The following MYH15 variants were observed in gnomAD, a reference collection of about 807,000 sequenced individuals.
The protein encoded by MYH15 is myosin-15.
A neutral mutation model predicts 240.5 loss-of-function variants in MYH15; 227 were observed. The observed-to-expected ratio is 0.94, with a 90% CI of 0.85 to 1.05. The LOEUF is 1.05. Ranked by LOEUF, MYH15 falls within the 50% of genes least tolerant of loss-of-function variation. The probability of loss-of-function intolerance (pLI) is 0.00; values close to 1 mark genes in which losing one functional copy is unlikely to be tolerated. For missense variants in MYH15, 2,217 were observed against 2,247.5 expected (o/e 0.99, Z 0.27); for synonymous variants, 785 against 796.7 (o/e 0.99, Z 0.25).
intron 12 of MYH15, among the ~76,000 whole-genome samples, chr3:108,475,311 T>C (rs144091964): frequency 5.3e-5 from 8 of 152,270 alleles, no homozygotes; most frequent in Admixed American, 5.2e-4. Flanking sequence ...ACATAAATTA[T>C]GCATTTCTGC....
intron 4 of MYH15, among the ~76,000 whole-genome samples, chr3:108,499,721 A>T (rs1297443403): frequency 6.6e-6 from 1 of 152,184 alleles, no homozygotes; most frequent in Non-Finnish European, 1.5e-5. Context: ...GCTACATATA[A>T]ATGGTAACCA....
At chr3:108,427,272 G>A (rs1217424385) in intron 27 of MYH15, among the ~76,000 whole-genome samples, 1 of 152,230 alleles carries the variant, frequency 6.6e-6, no homozygotes, top group Non-Finnish European at 1.5e-5. Context: ...GACTGAATAT[G>A]TCCCCCTAAA....
chr3:108,530,660 T>C (rs2083705372), upstream of MYH15, among the ~76,000 whole-genome samples: 1 of 152,214 alleles, frequency 6.6e-6, no homozygotes, highest in African/African-American at 2.4e-5. Context: ...GGTGAGGCTA[T>C]GCATGTGTAG....
intron 23 of MYH15, among the ~76,000 whole-genome samples, chr3:108,440,165 CATTA>C (rs1332825924): frequency 6.6e-6 from 1 of 152,092 alleles, no homozygotes; most frequent in Non-Finnish European, 1.5e-5. Context: ...AAATAATTAA[CATTA>C]TTTATAATTA....
the MYH15 span, among the ~76,000 whole-genome samples, chr3:108,539,022 C>T: frequency 3.3e-5 from 5 of 152,140 alleles, no homozygotes; most frequent in African/African-American, 9.7e-5. Context: ...TAACACTAAT[C>T]CATTCATGAA....
At chr3:108,523,247 T>C (rs112058911) in intron 1 of MYH15, among the ~76,000 whole-genome samples, 6,428 of 152,082 alleles carry the variant, frequency 0.042, 498 homozygotes, top group African/African-American at 0.15. Flanking sequence ...TAAAAATTAT[T>C]TTGCAACTCT....
At chr3:108,467,896 G>A (rs1056511749) in intron 14 of MYH15, among the ~76,000 whole-genome samples, 1 of 151,834 alleles carries the variant, frequency 6.6e-6, no homozygotes, top group Non-Finnish European at 1.5e-5. Flanking sequence ...AGGAGGTCAC[G>A]GTAAACTTGA....
chr3:108,424,226 G>A (rs1448246490), intron 27 of MYH15, among the ~76,000 whole-genome samples: 2 of 152,240 alleles, frequency 1.3e-5, no homozygotes, highest in African/African-American at 4.8e-5. Context: ...TGTATCTGTA[G>A]AGTGGGCAGC....
At chr3:108,409,105 T>A (rs905361586) in intron 31 of MYH15, among the ~76,000 whole-genome samples, 8 of 152,262 alleles carry the variant, frequency 5.3e-5, no homozygotes, top group African/African-American at 1.9e-4. Flanking sequence ...TCAGAGGTGG[T>A]GGAAGGAGCT....
At chr3:108,513,098 T>C (rs2083533458), upstream of MYH15, among the ~76,000 whole-genome samples, 1 of 152,114 alleles carries the variant, frequency 6.6e-6, no homozygotes, top group Admixed American at 6.6e-5. Flanking sequence ...CCTAGCAACA[T>C]CTTAAAATAG....
rs762291195 is a variant in MYH15, at chr3:108,417,794, TATAC to T, written c.3830-868_3830-865del. ...ACACACGTACAGGTATGTATATATA[TATAC>T]ACACACACACACACACACACACACA... is the stretch of plus-strand genomic sequence containing the variant. On this transcript the variant is annotated intron_variant, in intron 28 of 40. Coordinates refer to ENST00000693548, the MANE Select transcript of MYH15 (RefSeq NM_014981.3). Among the ~76,000 whole-genome samples the T allele has an allele frequency of 7.4e-3, 687 of 93,230 alleles. 4 individuals carry two copies. The highest frequency in any genetic ancestry group is 0.014 in the South Asian group (26 of 1,910). 61.2% of individuals were successfully genotyped at this position (93,230 alleles called of 152,430 possible). A position where few individuals can be genotyped will look rare whatever the true frequency, so the allele number is the denominator to read the frequency against.
At chr3:108,399,393 A>G in intron 33 of MYH15, 126 bp from the exon 34 acceptor site, 1 of 803,974 alleles carries the variant, frequency 1.2e-6, no homozygotes, top group East Asian at 2.7e-5. Flanking sequence ...TTAAGTAACT[A>G]ACAAAATGAG....
chr3:108,533,118 CTTTTTTTTTT>C (rs10561890), upstream of MYH15, among the ~76,000 whole-genome samples: 3 of 97,686 alleles, frequency 3.1e-5, no homozygotes, highest in African/African-American at 1.1e-4. Flanking sequence ...ACAATAAAAG[CTTTTTTTTTT>C]TTTTTTTTTC....
At chr3:108,444,578 CTGCT>C in intron 22 of MYH15, 58 bp downstream of exon 22, 1 of 1,569,066 alleles carries the variant, frequency 6.4e-7, no homozygotes, top group South Asian at 1.2e-5. Flanking sequence ...TCAACACTGC[CTGCT>C]TAACAAGGGA....
chr3:108,505,509 A>G (rs938618336), intron 2 of MYH15, among the ~76,000 whole-genome samples: 1 of 152,074 alleles, frequency 6.6e-6, no homozygotes, highest in Middle Eastern at 3.2e-3. Context: ...GGCTCAAGCA[A>G]TCTGCCTGCC....
the MYH15 span, among the ~76,000 whole-genome samples, chr3:108,546,222 C>T: frequency 6.6e-6 from 1 of 152,104 alleles, no homozygotes; most frequent in African/African-American, 2.4e-5. Context: ...CCTTTACTTT[C>T]AGTTAAAATG....
At chr3:108,535,899 G>T in the MYH15 span, among the ~76,000 whole-genome samples, 1,064 of 152,262 alleles carry the variant, frequency 7.0e-3, 5 homozygotes, top group African/African-American at 0.024. Flanking sequence ...CAGAATAGTT[G>T]GTAAGGGTTA....
At position 108,421,172 on chromosome 3, in the gene MYH15, G is replaced by T. The variant is rs369737961; in HGVS notation, c.3745C>A (p.His1249Asn). 6.2e-7 allele frequency: 1 copy of T among 1,613,904 alleles called. No homozygotes were observed. The highest frequency in any genetic ancestry group is 1.7e-5 in the Admixed American group (1 of 60,028). Residue 1249 changes from histidine to asparagine, a missense_variant, in exon 28 of 41, where the codon CAT (histidine) becomes AAT (asparagine). Coordinates refer to ENST00000693548, the MANE Select transcript of MYH15 (RefSeq NM_014981.3). ...TTATCTAGCTTTGCAGTTGCTTCAT[G>T]CAAGCGCTCTTCATATAGAGTACAG... ...KLCTLYEERL[H>N]EATAKLDKVT...
At position 108,492,480 on chromosome 3, in the gene MYH15, C is replaced by A. The variant is rs201689223; in HGVS notation, c.871+20G>T. 5.8e-6 allele frequency: 9 copies of A among 1,553,656 alleles called. No homozygotes were observed. Among genetic ancestry groups the A allele is most frequent in the Middle Eastern group, 1.7e-4 (1 of 5,912 alleles). On this transcript the variant is annotated intron_variant, in intron 9 of 40. Transcript: ENST00000693548. ...TTTCTTGTTTTGGAATAACCCTAAG[C>A]TCCAGAATCCTACACTTACCATGAA...
Sources: gnomAD v4.1 joint callset for allele counts (sites outside exome capture counted in the v4.1 genomes callset) on GRCh38, gnomAD v4.1.1 for gene constraint, MANE v1.5 for transcripts, NCBI Gene and HGNC (gene_info 2026-07-23, HGNC 2026-07-21) for gene names.